Variants in ACP5 observed in about 807,000 individuals in gnomAD.
The protein encoded by ACP5 is tartrate-resistant acid phosphatase type 5.
In ACP5, 24 loss-of-function variants were observed where a neutral mutation model predicts 28.7. That is an observed-to-expected ratio of 0.84 (90% CI 0.61 to 1.18). The LOEUF (loss-of-function observed/expected upper bound fraction) is 1.18, where lower values mean the gene tolerates loss of function less well. ACP5 is among the 50% of genes most tolerant of loss of function. The pLI, the probability that ACP5 is intolerant of heterozygous loss-of-function variation, is 0.00. For missense variants in ACP5, 354 were observed against 422.2 expected, an observed-to-expected ratio of 0.84 and a Z score of 1.42; for synonymous variants, 154 against 181.4, an observed-to-expected ratio of 0.85 and a Z score of 1.21.
Position 11,575,066 on chromosome 19 carries a change from C to T in ACP5, c.922G>A (p.Glu308Lys), listed in dbSNP as rs576211897. ...SSKEMTVTYI[E>K]ASGKSLFKTR... ...TTAAAGAGGGACTTGCCCGAGGCCT[C>T]GATGTAAGTGACAGTCATCTCTTTG... Residue 308 changes from glutamate to lysine, a missense_variant, in exon 5 of 5, where the codon GAG (glutamate) becomes AAG (lysine). Transcript: ENST00000648477. 11 of 1,614,124 alleles carry T rather than the reference C, an allele frequency of 6.8e-6. No homozygotes were observed. Among genetic ancestry groups the T allele is most frequent in the African/African-American group, 5.3e-5 (4 of 75,018 alleles).
In ACP5 at chr19:11,577,485, CA is replaced by C. The variant is rs916450606; in HGVS notation, c.-1+107del. On this transcript the variant is annotated intron_variant, in intron 1 of 4. Coordinates refer to ENST00000648477, the MANE Select transcript of ACP5 (RefSeq NM_001611.5). This position sits in a 1 kb window ranked among gnomAD's most constrained non-coding sequence, Gnocchi z 5.7. ...GACACACAAGCTGCACAAGGCTGCA[CA>C]AGCTGGCTTAGGGAAGGGGGGCGCG... 2.9e-5 allele frequency: 23 copies of C among 803,286 alleles called. No individual in the cohort carries two copies. The highest frequency in any genetic ancestry group is 4.7e-5 in the Non-Finnish European group (23 of 490,156). The allele number at this position is 803,286 out of a possible 1,614,324, so 49.8% of individuals were successfully genotyped here.
At chr19:11,575,559 CA>C (rs1000152579) in intron 4 of ACP5, 70 of 389,296 alleles carry the variant, frequency 1.8e-4, no homozygotes, top group East Asian at 4.1e-4. Flanking sequence ...CTTGCCTCTA[CA>C]AAAAAAATGC....
In ACP5 at chr19:11,577,307, C is replaced by A. The variant is rs774184401; in HGVS notation, c.11G>T (p.Trp4Leu). MDM[W>L]TALLILQALL... ...GGCTTGCAGGATGAGCAGCGCCGTCCACATGTCCATCTGGGAGAAGAGAGA... is the reference window on the plus strand; with the variant it reads ...GGCTTGCAGGATGAGCAGCGCCGTCAACATGTCCATCTGGGAGAAGAGAGA... The change falls in exon 2 of 5, where the codon TGG becomes TTG. Residue 4 changes from tryptophan to leucine, a missense_variant. Trp to Leu is a moderately conservative substitution (Grantham distance 61). Coordinates refer to ENST00000648477, the MANE Select transcript of ACP5 (RefSeq NM_001611.5). The surrounding 1 kb of genome is among the most constrained non-coding windows in gnomAD (Gnocchi z 5.7). 3.1e-6 allele frequency: 5 copies of A among 1,613,876 alleles called. No individual in the cohort carries two copies. The highest frequency in any genetic ancestry group is 3.4e-6 in the Non-Finnish European group (4 of 1,179,840).
At chr19:11,575,441 T>C (rs1973097916) in intron 4 of ACP5, 189 bp from the exon 5 acceptor site, 2 of 681,152 alleles carry the variant, frequency 2.9e-6, no homozygotes, top group African/African-American at 1.8e-5. Context: ...AAGAAATTGG[T>C]GGCCAGGTGT....
At chr19:11,575,535 C>T (rs760964075) in intron 4 of ACP5, 318 of 441,120 alleles carry the variant, frequency 7.2e-4, no homozygotes, top group Middle Eastern at 3.5e-3. Context: ...CCAGCCTGGG[C>T]AACATAGTGA....
In ACP5 at chr19:11,575,255, G is replaced by A. The variant is rs773090099; in HGVS notation, c.736-3C>T. ...ACGCCATTCTCATCTTGCAGGTACT[G>A]AGGATGGAGGACAAGGGGTCAGTGG... On this transcript the variant is annotated splice_region_variant and splice_polypyrimidine_tract_variant and intron_variant, in intron 4 of 4. Transcript: ENST00000648477. 2 of 1,613,474 alleles carry A rather than the reference G, an allele frequency of 1.2e-6. No individual in the cohort carries two copies. Among genetic ancestry groups the A allele is most frequent in the Non-Finnish European group, 8.5e-7 (1 of 1,180,040 alleles).
chr19:11,576,623 T>G (rs1973166801), intron 3 of ACP5, 35 bp from the exon 4 acceptor site: 1 of 1,613,206 alleles, frequency 6.2e-7, no homozygotes, highest in African/African-American at 1.3e-5. Context: ...GTGCACATCT[T>G]GGGCGCAGAA....
Position 11,576,823 on chromosome 19 carries a change from G to A in ACP5, c.282C>T (p.Phe94=). 6.2e-7 allele frequency: 1 copy of A among 1,614,112 alleles called. No homozygotes were observed. The highest frequency in any genetic ancestry group is 8.5e-7 in the Non-Finnish European group (1 of 1,180,020). ...GCACTTTGCGAAGGGAGCGGTCAGA[G>A]AATACGTCCTCAAAGGTCTCCTGTA... is the stretch of plus-strand genomic sequence containing the variant. The part of the protein sequence containing the change: ...KRFQETFEDV[F]SDRSLRKVPW... Residue 94 remains phenylalanine (F), a synonymous_variant, in exon 3 of 5, where the codon TTC becomes TTT. Transcript: ENST00000648477.
intron 3 of ACP5, 56 bp downstream of exon 3, chr19:11,576,660 G>T (rs1265120816): frequency 2.5e-6 from 4 of 1,613,788 alleles, no homozygotes; most frequent in Non-Finnish European, 1.7e-6. Flanking sequence ...AAGCCACAGG[G>T]CCCCTGTGTC....
upstream of ACP5, chr19:11,577,824 G>A (rs1973231975): frequency 1.3e-5 from 3 of 234,436 alleles, no homozygotes; most frequent in South Asian, 1.2e-4. This position sits in a 1 kb window ranked among gnomAD's most constrained non-coding sequence, Gnocchi z 5.7. Context: ...CTGGGCACAC[G>A]TGTGCAGCAG....
At chr19:11,576,910 T>G (rs539880925) in intron 2 of ACP5, 67 bp from the exon 3 acceptor site, 1 of 1,612,734 alleles carries the variant, frequency 6.2e-7, no homozygotes, top group East Asian at 2.2e-5. Flanking sequence ...TCCCACCAAG[T>G]CAGGATAAGG....
intron 2 of ACP5, 84 bp from the exon 3 acceptor site, chr19:11,576,927 C>A: frequency 6.2e-7 from 1 of 1,610,058 alleles, no homozygotes; most frequent in Non-Finnish European, 8.5e-7. Context: ...AAGGGAGACA[C>A]TGAATGCTCC....
chr19:11,576,879 G>T, intron 2 of ACP5, 36 bp from the exon 3 acceptor site: 1 of 1,613,798 alleles, frequency 6.2e-7, no homozygotes, highest in South Asian at 1.1e-5. Flanking sequence ...TCTTCCCTGG[G>T]GTCAGTGGCT....
At chr19:11,577,710 G>A (rs1599638476), upstream of ACP5, 1 of 325,836 alleles carries the variant, frequency 3.1e-6, no homozygotes, top group Non-Finnish European at 6.0e-6. This position sits in a 1 kb window ranked among gnomAD's most constrained non-coding sequence, Gnocchi z 5.7. Flanking sequence ...TAGTGAGGAT[G>A]ATGCAGTTTC....
Position 11,575,123 on chromosome 19 carries a change from G to A in ACP5, c.865C>T (p.Leu289=). The A allele has an allele frequency of 6.2e-7, 1 of 1,614,258 alleles. No homozygotes were observed. The highest frequency in any genetic ancestry group is 8.5e-7 in the Non-Finnish European group (1 of 1,180,046). ...ATCTCCACATAGGCAAAGCCACCCA[G>A]TGAGTCTTCAGTCCCATAGTGGAAG... ...LRFHYGTEDS[L]GGFAYVEISS... is the part of the protein sequence containing the mutation. The change falls in exon 5 of 5, where the codon CTG becomes TTG. Residue 289 remains leucine (L), a synonymous_variant. Coordinates refer to ENST00000648477, the MANE Select transcript of ACP5 (RefSeq NM_001611.5).
Position 11,575,066 on chromosome 19 carries a change from C to G in ACP5, c.922G>C (p.Glu308Gln). 6.2e-7 allele frequency: 1 copy of G among 1,614,124 alleles called. No homozygotes were observed. The highest frequency in any genetic ancestry group is 8.5e-7 in the Non-Finnish European group (1 of 1,180,028). Residue 308 changes from glutamate (E) to glutamine (Q), a missense_variant, in exon 5 of 5, where the codon GAG becomes CAG. Coordinates refer to ENST00000648477, the MANE Select transcript of ACP5 (RefSeq NM_001611.5). ...SSKEMTVTYI[E>Q]ASGKSLFKTR... is the part of the protein sequence containing the mutation. ...TTAAAGAGGGACTTGCCCGAGGCCT[C>G]GATGTAAGTGACAGTCATCTCTTTG... is the stretch of plus-strand genomic sequence containing the variant.
Position 11,576,227 on chromosome 19 carries a change from C to G in ACP5, c.735+16G>C. On this transcript the variant is annotated intron_variant, in intron 4 of 4. Coordinates refer to ENST00000648477, the MANE Select transcript of ACP5 (RefSeq NM_001611.5). ...CCCCCCTCACCCAGCTCCCACCCCA[C>G]CCACAGGGCCCTCACCTGCAGATTG... 6.2e-7 allele frequency: 1 copy of G among 1,600,826 alleles called. No individual in the cohort carries two copies. Among genetic ancestry groups the G allele is most frequent in the South Asian group, 1.1e-5 (1 of 90,802 alleles).
chr19:11,577,389 G>C lies in ACP5; in HGVS notation c.1-72C>G. Reference sequence around the variant, plus strand: ...CAGGGAGGCCTTGAGACCCCCGCCTGCCCTGAGATAGAGGGAGACTGCTTG... The same window carrying C: ...CAGGGAGGCCTTGAGACCCCCGCCTCCCCTGAGATAGAGGGAGACTGCTTG... On this transcript the variant is annotated intron_variant, in intron 1 of 4. Transcript: ENST00000648477. This position sits in a 1 kb window ranked among gnomAD's most constrained non-coding sequence, Gnocchi z 5.7. 6.5e-7 allele frequency: 1 copy of C among 1,534,202 alleles called. No individual in the cohort carries two copies. Among genetic ancestry groups the C allele is most frequent in the South Asian group, 1.2e-5 (1 of 85,156 alleles).
chr19:11,574,676 A>G lies in ACP5; in HGVS notation c.*334T>C. On this transcript the variant is annotated 3_prime_UTR_variant, in exon 5 of 5. Transcript: ENST00000648477. ...TGGCACTGGTTCAGCCTTGGCAACT[A>G]TTCTTTTATTGAACATCAGTAACAG... The G allele has an allele frequency of 5.0e-6, 2 of 399,550 alleles. No homozygotes were observed. The highest frequency in any genetic ancestry group is 9.5e-6 in the Non-Finnish European group (2 of 210,216). The allele number at this position is 399,550 out of a possible 1,614,324, so 24.8% of individuals were successfully genotyped here.
Sources: allele counts gnomAD v4.1 joint callset, GRCh38; gene constraint gnomAD v4.1.1; non-coding constraint Gnocchi (gnomAD v3.1); transcripts MANE v1.5; gene names NCBI Gene and HGNC (gene_info 2026-07-23, HGNC 2026-07-21).